The following RNF175 variants were observed in gnomAD, a reference collection of about 807,000 sequenced individuals.
RNF175 encodes the protein ring finger protein 175.
RNF175 carries 38 observed loss-of-function variants against 50.0 expected under a neutral mutation model. The ratio of observed to expected loss-of-function variants is 0.76; its 90% CI spans 0.59 to 1.00. RNF175 has a LOEUF of 1.00. Ranked by LOEUF, RNF175 falls within the 50% of genes least tolerant of loss-of-function variation. The pLI, the probability that RNF175 is intolerant of heterozygous loss-of-function variation, is 0.00. For synonymous variants in RNF175, 155 were observed against 146.1 expected (o/e 1.06, Z -0.44); for missense variants, 388 against 409.6 (o/e 0.95, Z 0.46).
At chr4:153,724,885 G>A (rs1486375631) in intron 4 of RNF175, among the ~76,000 whole-genome samples, 2 of 151,586 alleles carry the variant, frequency 1.3e-5, no homozygotes, top group South Asian at 4.2e-4. Flanking sequence ...CCTGCCCCAG[G>A]GGGGAGTAGG....
rs1325216298 is a variant in RNF175, at chr4:153,718,226, G to GTTTTTTTTTTTTTTTTTTTTTTTTTT, written c.630+1957_630+1958insAAAAAAAAAAAAAAAAAAAAAAAAAA. ...CCTAAGGAGTTTTTTTTGTTTGTTT[G>GTTTTTTTTTTTTTTTTTTTTTTTTTT]TTTGTTTGTTTGTTTTTTTTTTTTT... On this transcript the variant is annotated intron_variant, in intron 6 of 8. Coordinates refer to ENST00000347063, the MANE Select transcript of RNF175 (RefSeq NM_173662.4). Among the ~76,000 whole-genome samples, 16 of 30,580 alleles carry GTTTTTTTTTTTTTTTTTTTTTTTTTT rather than the reference G, an allele frequency of 5.2e-4. 1 individual carries two copies. The highest frequency in any genetic ancestry group is 6.6e-4 in the Non-Finnish European group (9 of 13,590). The allele number at this position is 30,580 out of a possible 152,430, so 20.1% of individuals were successfully genotyped here.
At chr4:153,724,943 G>A (rs1429021084) in intron 4 of RNF175, among the ~76,000 whole-genome samples, 6 of 146,196 alleles carry the variant, frequency 4.1e-5, no homozygotes, top group Non-Finnish European at 9.0e-5. Flanking sequence ...CTACGTGGGG[G>A]AGTGGGCAGG....
At chr4:153,752,203 C>A (rs1050986303) in intron 1 of RNF175, among the ~76,000 whole-genome samples, 1 of 152,178 alleles carries the variant, frequency 6.6e-6, no homozygotes, top group African/African-American at 2.4e-5. Flanking sequence ...AATCGTGTAA[C>A]TTTGGTGGAG....
chr4:153,757,298 C>T (rs1332167623), intron 1 of RNF175, among the ~76,000 whole-genome samples: 6 of 152,168 alleles, frequency 3.9e-5, no homozygotes, highest in African/African-American at 1.2e-4. Context: ...CTGGCCTCAT[C>T]CCCCCACTGA....
rs188399724 is a variant in RNF175, at chr4:153,737,615, A to G, written c.247-9254T>C. ...ATCTGAAAATATTTTGGAATTTTCC[A>G]TGCTTTCTGTTATTAATTTCTAGTT... is the stretch of plus-strand genomic sequence containing the variant. On this transcript the variant is annotated intron_variant, in intron 3 of 8. Transcript: ENST00000347063. Among the ~76,000 whole-genome samples, 26 of 152,286 alleles carry G rather than the reference A, an allele frequency of 1.7e-4. 1 individual carries two copies. The highest frequency in any genetic ancestry group is 1.6e-3 in the Admixed American group (24 of 15,298).
chr4:153,723,365 G>A lies in RNF175; in HGVS notation c.495C>T (p.Phe165=), dbSNP rs1209471591. 3 of 1,555,122 alleles carry A rather than the reference G, an allele frequency of 1.9e-6. No homozygotes were observed. The highest frequency in any genetic ancestry group is 2.7e-6 in the Non-Finnish European group (3 of 1,126,832). The change falls in exon 5 of 9, where the codon TTC becomes TTT. Residue 165 remains phenylalanine (F), a synonymous_variant. Coordinates refer to ENST00000347063, the MANE Select transcript of RNF175 (RefSeq NM_173662.4). ...GAGATACTTACTTGAAAAACAGATT[G>A]AATCCACACATTGTAAACATGATCG... ...YLAIMFTMCG[F]NLFFKIKARD... is the part of the protein sequence containing the mutation.
At position 153,737,336 on chromosome 4, in the gene RNF175, T is replaced by C. The variant is rs139836378; in HGVS notation, c.247-8975A>G. 9.8e-3 allele frequency among the ~76,000 whole-genome samples: 1,485 copies of C among 152,226 alleles called. 29 individuals are homozygous for C. The highest frequency in any genetic ancestry group is 0.033 in the African/African-American group (1,379 of 41,556). On this transcript the variant is annotated intron_variant, in intron 3 of 8. Transcript: ENST00000347063. ...CAATTTTTGCCAAAATTTATATTATTTATTTTCTGTTTGTTGTAGGCATAA... is the reference window on the plus strand; with the variant it reads ...CAATTTTTGCCAAAATTTATATTATCTATTTTCTGTTTGTTGTAGGCATAA...
At chr4:153,738,703 C>T (rs967728822) in intron 3 of RNF175, among the ~76,000 whole-genome samples, 1 of 152,030 alleles carries the variant, frequency 6.6e-6, no homozygotes, top group East Asian at 1.9e-4. Flanking sequence ...ATATTTAGAC[C>T]ATTCACATTT....
In RNF175 at chr4:153,759,797, C is replaced by A; in HGVS notation, c.66G>T (p.Gln22His). Residue 22 changes from glutamine to histidine, a missense_variant and splice_region_variant, in exon 1 of 9, where the codon CAG becomes CAT. By Grantham distance (24) the Gln-to-His change is conservative. Coordinates refer to ENST00000347063, the MANE Select transcript of RNF175 (RefSeq NM_173662.4). ...PVLEAPPQQE[Q>H]LSHTKLSAED... ...CACGCCCGCGCCCCCGCGCCAGTAC[C>A]TGCTCCTGCTGCGGGGGGGCCTCCA... 1 of 1,479,674 alleles carries A rather than the reference C, an allele frequency of 6.8e-7. No homozygotes were observed. The highest frequency in any genetic ancestry group is 8.9e-7 in the Non-Finnish European group (1 of 1,122,838). The allele number at this position is 1,479,674 out of a possible 1,614,324, so 91.7% of individuals were successfully genotyped here. A position where few individuals can be genotyped will look rare whatever the true frequency, so the allele number is the denominator to read the frequency against.
intron 6 of RNF175, among the ~76,000 whole-genome samples, chr4:153,719,570 G>A (rs1242617596): frequency 6.6e-6 from 1 of 152,062 alleles, no homozygotes; most frequent in Non-Finnish European, 1.5e-5. Context: ...TAACTCCAAA[G>A]TATGTCCATT....
chr4:153,748,856 A>C (rs776719273), intron 2 of RNF175, 70 bp from the exon 3 acceptor site: 1 of 1,444,470 alleles, frequency 6.9e-7, no homozygotes, highest in Non-Finnish European at 9.3e-7. Flanking sequence ...AAAACAAAAA[A>C]CAAAAAACAA....
Position 153,753,903 on chromosome 4 carries a change from G to A in RNF175, c.67-2428C>T, listed in dbSNP as rs186944021. ...AAATATTTTGAGGCTGGGCGTGGTGGCTCACACCTGTAATCCCAGCACTTT... is the reference window on the plus strand; with the variant it reads ...AAATATTTTGAGGCTGGGCGTGGTGACTCACACCTGTAATCCCAGCACTTT... On this transcript the variant is annotated intron_variant, in intron 1 of 8. Transcript: ENST00000347063. 5.4e-3 allele frequency among the ~76,000 whole-genome samples: 810 copies of A among 151,354 alleles called. 7 individuals are homozygous for A. The highest frequency in any genetic ancestry group is 0.018 in the African/African-American group (762 of 41,332).
At chr4:153,748,846 AAAACAAAAAACAAAAAAC>A (rs1740135874) in intron 2 of RNF175, 60 bp from the exon 3 acceptor site, 2 of 1,433,076 alleles carry the variant, frequency 1.4e-6, no homozygotes, top group Non-Finnish European at 9.3e-7. Flanking sequence ...TTTAGCAAAA[AAAACAAAAAACAAAAAAC>A]AAAAAAACAA....
Position 153,759,879 on chromosome 4 carries a change from C to T in RNF175, c.-17G>A, listed in dbSNP as rs560380137. The T allele has an allele frequency of 2.4e-4, 342 of 1,415,598 alleles. 4 individuals are homozygous for T. In the East Asian group the frequency reaches 8.1e-3, roughly 34 times the overall value. The allele number at this position is 1,415,598 out of a possible 1,614,324, so 87.7% of individuals were successfully genotyped here. A position where few individuals can be genotyped will look rare whatever the true frequency, so the allele number is the denominator to read the frequency against. Reference sequence around the variant, plus strand: ...CGCGGCCATGCCTGAGCCACTGTGCCTTCTCCAGGGCACAGCGCCTGCCGG... The same window carrying T: ...CGCGGCCATGCCTGAGCCACTGTGCTTTCTCCAGGGCACAGCGCCTGCCGG... On this transcript the variant is annotated 5_prime_UTR_variant, in exon 1 of 9. Coordinates refer to ENST00000347063, the MANE Select transcript of RNF175 (RefSeq NM_173662.4).
Position 153,720,192 on chromosome 4 carries a change from T to G in RNF175, c.622A>C (p.Thr208Pro). Reference protein sequence around the residue: ...AEICSDYMASTIGFYSVSRLP... With the variant: ...AEICSDYMASPIGFYSVSRLP... ...ATGAAAGCAACACTTACCCCTATAG[T>G]GGAAGCCATGTAGTCTGAGCAGATC... Residue 208 changes from threonine to proline, a missense_variant, in exon 6 of 9, where the codon ACT becomes CCT. Physicochemically the swap from Thr to Pro is conservative, Grantham distance 38 (BLOSUM62 -1). Transcript: ENST00000347063. 6.2e-7 allele frequency: 1 copy of G among 1,613,740 alleles called. No individual in the cohort carries two copies. Among genetic ancestry groups the G allele is most frequent in the Non-Finnish European group, 8.5e-7 (1 of 1,179,734 alleles).
chr4:153,710,483 C>T lies in RNF175; in HGVS notation c.873G>A (p.Glu291=), dbSNP rs757943437. Residue 291 remains glutamate (E), a synonymous_variant, in exon 9 of 9, where the codon GAG becomes GAA. Coordinates refer to ENST00000347063, the MANE Select transcript of RNF175 (RefSeq NM_173662.4). The stretch of plus-strand genomic sequence containing the variant: ...TTTGTCCATACAGAAAATGTGTGCG[C>T]TCCCAGCTAAATCTCAGTTAAGGAG... The part of the protein sequence containing the change: ...DLKRMISNPW[E]RTHFLYGQIL... 3 of 1,609,230 alleles carry T rather than the reference C, an allele frequency of 1.9e-6. No homozygotes were observed. Among genetic ancestry groups the T allele is most frequent in the African/African-American group, 2.7e-5 (2 of 74,998 alleles).
chr4:153,739,521 C>A (rs1016054981), intron 3 of RNF175, among the ~76,000 whole-genome samples: 1 of 152,108 alleles, frequency 6.6e-6, no homozygotes, highest in African/African-American at 2.4e-5. Flanking sequence ...GAGTTTCTGG[C>A]CTAAATCACT....
intron 1 of RNF175, among the ~76,000 whole-genome samples, chr4:153,753,229 G>T (rs1352766134): frequency 2.6e-5 from 4 of 152,188 alleles, no homozygotes; most frequent in Non-Finnish European, 5.9e-5. Context: ...TGGATTGCGG[G>T]CTCCTAGGGC....
At chr4:153,718,956 T>G (rs1738153843) in intron 6 of RNF175, among the ~76,000 whole-genome samples, 1 of 152,316 alleles carries the variant, frequency 6.6e-6, no homozygotes, top group South Asian at 2.1e-4. Flanking sequence ...TTTTTTCTTT[T>G]TTTAAAAAAA....
Sources: gnomAD v4.1 joint callset for allele counts (sites outside exome capture counted in the v4.1 genomes callset) on GRCh38, gnomAD v4.1.1 for gene constraint, MANE v1.5 for transcripts, NCBI Gene and HGNC (gene_info 2026-07-23, HGNC 2026-07-21) for gene names.